The following STK25 variants were observed in gnomAD, a reference collection of about 807,000 sequenced individuals.
STK25 encodes the protein serine/threonine kinase 25, also known as serine/threonine-protein kinase 25.
A neutral mutation model predicts 53.8 loss-of-function variants in STK25; 29 were observed. That is an observed-to-expected ratio of 0.54 (90% confidence interval 0.40 to 0.74). STK25 has a LOEUF of 0.74. STK25 is among the 30% of genes least tolerant of loss of function. STK25 has a pLI of 0.00. For missense variants in STK25, 420 were observed against 568.0 expected, an observed-to-expected ratio of 0.74 and a Z score of 2.65; for synonymous variants, 247 against 238.3, an observed-to-expected ratio of 1.04 and a Z score of -0.33.
At chr2:241,506,008 C>T (rs375306540) in intron 2 of STK25, among the ~76,000 whole-genome samples, 1 of 152,218 alleles carries the variant, frequency 6.6e-6, no homozygotes, top group African/African-American at 2.4e-5. Flanking sequence ...CAGTGTTGCC[C>T]CACAAAACAA....
chr2:241,508,340 C>A (rs889355293), intron 1 of STK25, 103 bp downstream of exon 1: 45 of 1,178,324 alleles, frequency 3.8e-5, no homozygotes, highest in Admixed American at 4.8e-5. Flanking sequence ...AGCTTCCTCC[C>A]GGTGCCCCCG....
chr2:241,493,333 G>C lies in STK25; in HGVS notation c.*2329C>G. On this transcript the variant is annotated 3_prime_UTR_variant, in exon 12 of 12. Transcript: ENST00000316586. ...GCCAGCCTCCCGCTGCTGGGCTACAGCGTGAGCATCCCCAGGGAGGCCGAT... is the reference window on the plus strand; with the variant it reads ...GCCAGCCTCCCGCTGCTGGGCTACACCGTGAGCATCCCCAGGGAGGCCGAT... 2 of 1,614,036 alleles carry C rather than the reference G, an allele frequency of 1.2e-6. No individual in the cohort carries two copies. The highest frequency in any genetic ancestry group is 1.7e-6 in the Non-Finnish European group (2 of 1,180,026).
At chr2:241,506,537 GCAA>G (rs2065841857) in intron 2 of STK25, among the ~76,000 whole-genome samples, 2 of 152,200 alleles carry the variant, frequency 1.3e-5, no homozygotes, top group Non-Finnish European at 2.9e-5. Context: ...GGAGGCCAGG[GCAA>G]GCAGATCACC....
Position 241,494,618 on chromosome 2 carries a change from AGCCCCAGGGG to A in STK25, c.*1034_*1043del, listed in dbSNP as rs2065054794. ...CCTTCCATCTGGTGAACCAAGTGGC[AGCCCCAGGGG>A]CCTGCCCTGCAGGTCACAGCTAAAC... On this transcript the variant is annotated 3_prime_UTR_variant, in exon 12 of 12. Transcript: ENST00000316586. This position sits in a 1 kb window ranked among gnomAD's most constrained non-coding sequence, Gnocchi z 4.9. The A allele has an allele frequency of 6.6e-6, 1 of 152,314 alleles. No individual in the cohort carries two copies. The highest frequency in any genetic ancestry group is 6.5e-5 in the Admixed American group (1 of 15,294). 9.4% of individuals were successfully genotyped at this position (152,314 alleles called of 1,614,324 possible).
intron 2 of STK25, among the ~76,000 whole-genome samples, chr2:241,506,682 G>A (rs764561106): frequency 6.6e-6 from 1 of 152,148 alleles, no homozygotes; most frequent in Non-Finnish European, 1.5e-5. Flanking sequence ...CAGGAGAATC[G>A]CTTGTACTTG....
chr2:241,495,527 T>C lies in STK25; in HGVS notation c.*135A>G. The C allele has an allele frequency of 1.1e-6, 1 of 886,532 alleles. No homozygotes were observed. Among genetic ancestry groups the C allele is most frequent in the Non-Finnish European group, 1.8e-6 (1 of 545,496 alleles). 54.9% of individuals were successfully genotyped at this position (886,532 alleles called of 1,614,324 possible). A position where few individuals can be genotyped will look rare whatever the true frequency, so the allele number is the denominator to read the frequency against. On this transcript the variant is annotated 3_prime_UTR_variant, in exon 12 of 12. Coordinates refer to ENST00000316586, the MANE Select transcript of STK25 (RefSeq NM_001271977.2). ...GAGACGGTGACCTGGTGACCTGGCA[T>C]GTGAGGCCCACGGGATCCGACGTGT...
At chr2:241,506,571 C>A (rs908334920) in intron 2 of STK25, among the ~76,000 whole-genome samples, 1 of 152,136 alleles carries the variant, frequency 6.6e-6, no homozygotes, top group Non-Finnish European at 1.5e-5. Flanking sequence ...AGTTTGAGAC[C>A]AGCCTGACCA....
intron 2 of STK25, among the ~76,000 whole-genome samples, chr2:241,506,919 A>G (rs2065864157): frequency 6.6e-6 from 1 of 152,308 alleles, no homozygotes; most frequent in South Asian, 2.1e-4. Context: ...CTCATCTGTG[A>G]CCACGCAGGT....
At chr2:241,497,528 C>A in intron 10 of STK25, 88 bp downstream of exon 10, 2 of 1,361,138 alleles carry the variant, frequency 1.5e-6, no homozygotes, top group Non-Finnish European at 1.0e-6. Context: ...AACCACCCCA[C>A]AGTGCTGTGA....
In STK25 at chr2:241,493,877, A is replaced by G. The variant is rs545784498; in HGVS notation, c.*1785T>C. 7 of 579,316 alleles carry G rather than the reference A, an allele frequency of 1.2e-5. No homozygotes were observed. Among genetic ancestry groups the G allele is most frequent in the South Asian group, 1.1e-4 (3 of 26,798 alleles). The allele number at this position is 579,316 out of a possible 1,614,324, so 35.9% of individuals were successfully genotyped here. A position where few individuals can be genotyped will look rare whatever the true frequency, so the allele number is the denominator to read the frequency against. ...CTCCCAAAGTGCTGGGATTATAGGCATGAGCCACCGCACCCGGCCCCAGGT... is the reference window on the plus strand; with the variant it reads ...CTCCCAAAGTGCTGGGATTATAGGCGTGAGCCACCGCACCCGGCCCCAGGT... On this transcript the variant is annotated 3_prime_UTR_variant, in exon 12 of 12. Coordinates refer to ENST00000316586, the MANE Select transcript of STK25 (RefSeq NM_001271977.2).
intron 2 of STK25, among the ~76,000 whole-genome samples, chr2:241,504,366 T>C (rs556333963): frequency 3.3e-5 from 5 of 152,104 alleles, no homozygotes; most frequent in Non-Finnish European, 7.4e-5. Context: ...AGGGGGTGCC[T>C]TGAGCCCACC....
At position 241,493,504 on chromosome 2, in the gene STK25, T is replaced by C. The variant is rs1224298888; in HGVS notation, c.*2158A>G. On this transcript the variant is annotated 3_prime_UTR_variant, in exon 12 of 12. Transcript: ENST00000316586. ...CATTTCGATGTCCGCTCAGCTCCCA[T>C]TTCTACTCATGGTGGTGGAGGCAAG... 3.9e-6 allele frequency: 6 copies of C among 1,541,026 alleles called. No homozygotes were observed. Among genetic ancestry groups the C allele is most frequent in the Non-Finnish European group, 3.6e-6 (4 of 1,116,578 alleles).
intron 2 of STK25, among the ~76,000 whole-genome samples, chr2:241,507,173 G>A (rs2065882550): frequency 6.6e-6 from 1 of 152,224 alleles, no homozygotes. Context: ...GAACAGCTAA[G>A]ATGTAAGAAA....
chr2:241,501,720 G>C lies in STK25; in HGVS notation c.31-12C>G. ...TCCACTCGAGAGTGCTGTGGGGCCA[G>C]GGCGGGGACAGAGGGCAGACAGCGC... On this transcript the variant is annotated splice_polypyrimidine_tract_variant and intron_variant, in intron 2 of 11. Coordinates refer to ENST00000316586, the MANE Select transcript of STK25 (RefSeq NM_001271977.2). This position sits in a 1 kb window ranked among gnomAD's most constrained non-coding sequence, Gnocchi z 5.3. 6.2e-7 allele frequency: 1 copy of C among 1,605,316 alleles called. No individual in the cohort carries two copies. The highest frequency in any genetic ancestry group is 8.5e-7 in the Non-Finnish European group (1 of 1,173,778).
intron 2 of STK25, 150 bp downstream of exon 2, chr2:241,507,856 A>G: frequency 1.3e-6 from 1 of 772,874 alleles, no homozygotes; most frequent in South Asian, 1.9e-5. Flanking sequence ...CCCTGCGCCC[A>G]CCTCAGGACG....
At chr2:241,506,966 C>T (rs2065866514) in intron 2 of STK25, among the ~76,000 whole-genome samples, 2 of 152,166 alleles carry the variant, frequency 1.3e-5, no homozygotes, top group Admixed American at 6.5e-5. Flanking sequence ...CATGGTGTTC[C>T]GGGTCTCTAG....
chr2:241,494,190 C>A lies in STK25; in HGVS notation c.*1472G>T. The A allele has an allele frequency of 1.0e-6, 1 of 982,214 alleles. No individual in the cohort carries two copies. The highest frequency in any genetic ancestry group is 1.4e-6 in the Non-Finnish European group (1 of 690,160). The allele number at this position is 982,214 out of a possible 1,614,324, so 60.8% of individuals were successfully genotyped here. ...AGCAGGACACAGAGGTGACCTCTGT[C>A]CTGAGGCTTCTCAACAGATGGGAAG... On this transcript the variant is annotated 3_prime_UTR_variant, in exon 12 of 12. Transcript: ENST00000316586. This position sits in a 1 kb window ranked among gnomAD's most constrained non-coding sequence, Gnocchi z 4.9.
At position 241,496,461 on chromosome 2, in the gene STK25, G is replaced by T; in HGVS notation, c.1178C>A (p.Ala393Asp). The change falls in exon 11 of 12, where the codon GCC becomes GAC. Residue 393 changes from alanine (A) to aspartate (D), a missense_variant. By Grantham distance (126) the Ala-to-Asp change is moderately radical. Coordinates refer to ENST00000316586, the MANE Select transcript of STK25 (RefSeq NM_001271977.2). This position sits in a 1 kb window ranked among gnomAD's most constrained non-coding sequence, Gnocchi z 5.8. ...TGAGATGCCGGGGCAGGACTCCTCG[G>T]CCAGGCTGAAGGCGTTCTCCAGCTC... ...LEELENAFSL[A>D]EESCPGISDK... 6.2e-7 allele frequency: 1 copy of T among 1,613,554 alleles called. No homozygotes were observed.
In STK25 at chr2:241,492,701, AG is replaced by A. The variant is rs754646427; in HGVS notation, c.*2960del. The A allele has an allele frequency of 2.0e-4, 101 of 502,836 alleles. No homozygotes were observed. The highest frequency in any genetic ancestry group is 1.6e-4 in the Non-Finnish European group (45 of 281,460). The allele number at this position is 502,836 out of a possible 1,614,324, so 31.1% of individuals were successfully genotyped here. ...ACTGAACACTGACTTTATTGTGCAC[AG>A]GGAAAGGGAACTCACTTTACTTGGT... On this transcript the variant is annotated 3_prime_UTR_variant, in exon 12 of 12. Coordinates refer to ENST00000316586, the MANE Select transcript of STK25 (RefSeq NM_001271977.2).
Sources: gnomAD v4.1 joint callset for allele counts (sites outside exome capture counted in the v4.1 genomes callset) on GRCh38, gnomAD v4.1.1 for gene constraint, Gnocchi (gnomAD v3.1) non-coding constraint, MANE v1.5 for transcripts, NCBI Gene and HGNC (gene_info 2026-07-23, HGNC 2026-07-21) for gene names.